AKAP8: variants seen among roughly 807,000 people sequenced by gnomAD.
AKAP8 encodes A-kinase anchoring protein 8.
A neutral mutation model predicts 67.5 loss-of-function variants in AKAP8; 24 were observed. The observed-to-expected ratio is 0.36, with a 90% confidence interval of 0.26 to 0.50. The LOEUF (loss-of-function observed/expected upper bound fraction) is 0.50, where lower values mean the gene tolerates loss of function less well. Ranked by LOEUF, AKAP8 falls within the 20% of genes least tolerant of loss-of-function variation. The pLI, the probability that AKAP8 is intolerant of heterozygous loss-of-function variation, is 0.97. For missense variants in AKAP8, 971 were observed against 955.9 expected (o/e 1.02, Z -0.21); for synonymous variants, 400 against 371.1 (o/e 1.08, Z -0.90).
rs2048277149 is a variant in AKAP8, at chr19:15,356,165, CCAAGATGGGTGG to C, written c.1624-807_1624-796del. Among the ~76,000 whole-genome samples the C allele has an allele frequency of 3.3e-5, 5 of 152,020 alleles. No homozygotes were observed. In the South Asian group the frequency reaches 1.0e-3, roughly 32 times the overall value. ...CCTGTAATCCCAGCACTTTGGGAGG[CCAAGATGGGTGG>C]ATCACGAGGTCAGGAGATGGACACC... is the stretch of plus-strand genomic sequence containing the variant. On this transcript the variant is annotated intron_variant, in intron 13 of 13. Coordinates refer to ENST00000269701, the MANE Select transcript of AKAP8 (RefSeq NM_005858.4).
In AKAP8 at chr19:15,374,473, G is replaced by T. The variant is rs889195694; in HGVS notation, c.91+130C>A. 5 of 1,135,656 alleles carry T rather than the reference G, an allele frequency of 4.4e-6. No homozygotes were observed. The East Asian group carries it at 7.8e-5, about 18-fold the overall frequency. The allele number at this position is 1,135,656 out of a possible 1,614,324, so 70.3% of individuals were successfully genotyped here. On this transcript the variant is annotated intron_variant, in intron 3 of 13. Transcript: ENST00000269701. ...TCCCCCCATATACACAACAGCAGCC[G>T]TGGCTGACTGCGTCCTCAGGAACAG... is the stretch of plus-strand genomic sequence containing the variant.
rs1315106957 is a variant in AKAP8 at position 15,354,558 on chromosome 19, A to G, written c.*357T>C. 4.2e-6 allele frequency: 1 copy of G among 239,188 alleles called. No homozygotes were observed. Among genetic ancestry groups the G allele is most frequent in the Non-Finnish European group, 8.2e-6 (1 of 122,544 alleles). 14.8% of individuals were successfully genotyped at this position (239,188 alleles called of 1,614,324 possible). A position where few individuals can be genotyped will look rare whatever the true frequency, so the allele number is the denominator to read the frequency against. ...CAGCTGTTCCCAACCAAATAAAAAAAAAAATTAAGGAAAAAAATAAAAAAG... is the reference window on the plus strand; with the variant it reads ...CAGCTGTTCCCAACCAAATAAAAAAGAAAATTAAGGAAAAAAATAAAAAAG... On this transcript the variant is annotated 3_prime_UTR_variant, in exon 14 of 14. Transcript: ENST00000269701.
In AKAP8 at chr19:15,369,224, C is replaced by T. The variant is rs1967115561; in HGVS notation, c.1073-902G>A. On this transcript the variant is annotated intron_variant, in intron 8 of 13. Transcript: ENST00000269701. This position sits in a 1 kb window ranked among gnomAD's most constrained non-coding sequence, Gnocchi z 4.6. ...AAGTCATCCCGGGTAGGTAGCAGGA[C>T]CTGCGCGCAACAGACATGTCACCTT... The T allele has an allele frequency of 2.0e-6, 2 of 985,376 alleles. No individual in the cohort carries two copies. Among genetic ancestry groups the T allele is most frequent in the Non-Finnish European group, 2.4e-6 (2 of 829,988 alleles). 61.0% of individuals were successfully genotyped at this position (985,376 alleles called of 1,614,324 possible).
At chr19:15,366,481 CT>C (rs955958785) in intron 9 of AKAP8, among the ~76,000 whole-genome samples, 13 of 146,162 alleles carry the variant, frequency 8.9e-5, no homozygotes, top group South Asian at 8.6e-4. Context: ...GCATTTCTCT[CT>C]TTTTTTTTTG....
intron 9 of AKAP8, among the ~76,000 whole-genome samples, chr19:15,365,112 C>A (rs553409874): frequency 5.3e-5 from 8 of 152,360 alleles, no homozygotes; most frequent in African/African-American, 1.9e-4. Context: ...AAAGCTGCAA[C>A]TGCTTGGAAC....
chr19:15,378,050 T>G (rs1378241788), intron 1 of AKAP8, among the ~76,000 whole-genome samples: 1 of 151,558 alleles, frequency 6.6e-6, no homozygotes, highest in African/African-American at 2.4e-5. Flanking sequence ...CCAGAACAAC[T>G]CCCCCGCCCC....
chr19:15,355,124 GC>G lies in AKAP8; in HGVS notation c.1869del (p.Gln623HisfsTer83), dbSNP rs756048570. The G allele has an allele frequency of 1.2e-6, 2 of 1,613,668 alleles. No homozygotes were observed. ...AEAGSDPQAE[Q>X]LLEEQVPCGT... ...CCACAGGGCACCTGCTCTTCCAGCA[GC>G]TGTTCGGCTTGAGGATCACTACCGG... is the stretch of plus-strand genomic sequence containing the variant. On this transcript the variant is annotated frameshift_variant, in exon 14 of 14. Transcript: ENST00000269701. LOFTEE classifies it low-confidence loss of function (END_TRUNC).
At chr19:15,363,937 G>A (rs1445290518) in intron 9 of AKAP8, among the ~76,000 whole-genome samples, 1 of 151,622 alleles carries the variant, frequency 6.6e-6, no homozygotes, top group African/African-American at 2.4e-5. Context: ...GATGTGCTTT[G>A]TTAAACAGAT....
chr19:15,364,947 C>G (rs1485801065), intron 9 of AKAP8, among the ~76,000 whole-genome samples: 1 of 152,200 alleles, frequency 6.6e-6, no homozygotes, highest in African/African-American at 2.4e-5. Context: ...ACCAAGAGTT[C>G]CGACTTCCCA....
intron 7 of AKAP8, among the ~76,000 whole-genome samples, chr19:15,370,797 A>T (rs371285187): frequency 7.9e-5 from 12 of 152,002 alleles, no homozygotes; most frequent in African/African-American, 2.9e-4. Context: ...ACATCCAGCT[A>T]ATTTTTGTAT....
chr19:15,358,897 A>C, intron 13 of AKAP8, 70 bp downstream of exon 13: 2 of 1,420,054 alleles, frequency 1.4e-6, no homozygotes, highest in Non-Finnish European at 2.0e-6. Flanking sequence ...TCTGGATTCA[A>C]CTCCCTGCTC....
intron 9 of AKAP8, among the ~76,000 whole-genome samples, chr19:15,363,563 G>A (rs529652347): frequency 2.7e-5 from 4 of 150,068 alleles, no homozygotes; most frequent in South Asian, 2.1e-4. Context: ...CCAGCCAGCC[G>A]CCCCGTCCAG....
intron 12 of AKAP8, among the ~76,000 whole-genome samples, chr19:15,359,278 C>T (rs965575271): frequency 4.6e-5 from 7 of 152,208 alleles, no homozygotes; most frequent in Non-Finnish European, 8.8e-5. Flanking sequence ...TGCAAAGATG[C>T]ACCACTGATA....
At chr19:15,372,036 G>A (rs768163611) in intron 6 of AKAP8, 38 bp from the exon 7 acceptor site, 4 of 1,613,140 alleles carry the variant, frequency 2.5e-6, no homozygotes, top group East Asian at 2.2e-5. Context: ...AGTCCCCGGA[G>A]AACGGTCCCA....
At position 15,379,720 on chromosome 19, in the gene AKAP8, G is replaced by A. The variant is rs1405449623; in HGVS notation, c.12C>T (p.Gly4=). MDQ[G]YGGYGAWSAG... ...CCAGCAGCCAACACAAACCTCCGTAGCCCTGGTCCATGTCTTCGACGCGGC... is the reference window on the plus strand; with the variant it reads ...CCAGCAGCCAACACAAACCTCCGTAACCCTGGTCCATGTCTTCGACGCGGC... Residue 4 remains glycine, a synonymous_variant, in exon 1 of 14, where the codon GGC becomes GGT. Coordinates refer to ENST00000269701, the MANE Select transcript of AKAP8 (RefSeq NM_005858.4). 1.2e-6 allele frequency: 2 copies of A among 1,611,766 alleles called. No homozygotes were observed. Among genetic ancestry groups the A allele is most frequent in the South Asian group, 1.1e-5 (1 of 90,662 alleles).
Position 15,370,282 on chromosome 19 carries a change from G to T in AKAP8, c.1039-103C>A. 5 of 1,346,662 alleles carry T rather than the reference G, an allele frequency of 3.7e-6. No homozygotes were observed. The South Asian group carries it at 6.0e-5, about 16-fold the overall frequency. 83.4% of individuals were successfully genotyped at this position (1,346,662 alleles called of 1,614,324 possible). ...CTGCCTGGTGGGCAGTCTCACCCAA[G>T]ACCTAGGTTGCTATGCCACCAAGAA... On this transcript the variant is annotated intron_variant, in intron 7 of 13. Coordinates refer to ENST00000269701, the MANE Select transcript of AKAP8 (RefSeq NM_005858.4).
At chr19:15,362,279 G>A in intron 9 of AKAP8, 28 bp from the exon 10 acceptor site, 1 of 1,612,812 alleles carries the variant, frequency 6.2e-7, no homozygotes, top group Non-Finnish European at 8.5e-7. Flanking sequence ...GGAGGGGAGT[G>A]AAGCAGGGAG....
At chr19:15,361,991 T>A in intron 10 of AKAP8, 119 bp downstream of exon 10, 1 of 1,450,984 alleles carries the variant, frequency 6.9e-7, no homozygotes, top group Non-Finnish European at 9.3e-7. Context: ...ACACAGCTAC[T>A]CTATCTGGGA....
intron 7 of AKAP8, among the ~76,000 whole-genome samples, chr19:15,370,943 T>C (rs1599568229): frequency 1.3e-5 from 2 of 152,184 alleles, no homozygotes; most frequent in South Asian, 2.1e-4. Context: ...ATTTACCCGA[T>C]GTCTTAATAA....
Sources: allele counts gnomAD v4.1 joint callset (sites outside exome capture counted in the v4.1 genomes callset), GRCh38; gene constraint gnomAD v4.1.1; non-coding constraint Gnocchi (gnomAD v3.1); transcripts MANE v1.5; gene names NCBI Gene and HGNC (gene_info 2026-07-23, HGNC 2026-07-21).